The following PEF1 variants were observed in gnomAD, a reference collection of about 807,000 sequenced individuals.
PEF1 encodes the protein penta-EF-hand domain containing 1.
A neutral mutation model predicts 32.0 loss-of-function variants in PEF1; 17 were observed. The ratio of observed to expected loss-of-function variants is 0.53; its 90% CI spans 0.36 to 0.80. The LOEUF is 0.80. Among genes scored for constraint, PEF1 ranks in the 30% least tolerant of loss-of-function variants. PEF1 has a pLI of 0.00. For missense variants in PEF1, 362 were observed against 369.1 expected, an observed-to-expected ratio of 0.98 and a Z score of 0.16; for synonymous variants, 130 against 139.8, an observed-to-expected ratio of 0.93 and a Z score of 0.50.
intron 1 of PEF1, among the ~76,000 whole-genome samples, chr1:31,641,480 A>C (rs551677283): frequency 6.6e-6 from 1 of 152,276 alleles, no homozygotes; most frequent in Non-Finnish European, 1.5e-5. Context: ...AAGGCATACA[A>C]GGCCCTTTGG....
chr1:31,644,774 C>T, intron 1 of PEF1, 67 bp downstream of exon 1: 1 of 1,611,502 alleles, frequency 6.2e-7, no homozygotes, highest in Admixed American at 1.7e-5. Flanking sequence ...GGAGAAAGAG[C>T]AGGGGGACGT....
chr1:31,643,668 A>G (rs1640466908), intron 1 of PEF1, among the ~76,000 whole-genome samples: 1 of 152,190 alleles, frequency 6.6e-6, no homozygotes, highest in Non-Finnish European at 1.5e-5. Context: ...AGGTCCAAAC[A>G]CTGTGTAACC....
At chr1:31,639,681 GA>G (rs916423169) in intron 1 of PEF1, among the ~76,000 whole-genome samples, 44 of 152,364 alleles carry the variant, frequency 2.9e-4, no homozygotes, top group Non-Finnish European at 5.4e-4. Context: ...TGGGGATGAA[GA>G]GAACGGAATG....
chr1:31,635,425 G>T lies in PEF1; in HGVS notation c.122C>A (p.Pro41His). Residue 41 changes from proline to histidine, a missense_variant, in exon 2 of 5, where the codon CCC becomes CAC. Physicochemically the swap from Pro to His is moderately conservative, Grantham distance 77. Transcript: ENST00000373703. ...NSGGQYGSGL[P>H]PGGGYGGPAP... ...AGGACCCCCATAACCACCACCAGGG[G>T]GTAGCCCACTACCATACTGCCCTCC... is the stretch of plus-strand genomic sequence containing the variant. 2.5e-6 allele frequency: 4 copies of T among 1,612,198 alleles called. No individual in the cohort carries two copies. Among genetic ancestry groups the T allele is most frequent in the Non-Finnish European group, 2.5e-6 (3 of 1,179,140 alleles).
chr1:31,634,322 C>T (rs1255891722), intron 2 of PEF1, among the ~76,000 whole-genome samples: 1 of 152,194 alleles, frequency 6.6e-6, no homozygotes, highest in African/African-American at 2.4e-5. Flanking sequence ...CAAAGCAGAC[C>T]TGGATTCAAA....
intron 2 of PEF1, among the ~76,000 whole-genome samples, 154 bp from the exon 3 acceptor site, chr1:31,633,468 A>G (rs553638100): frequency 2.0e-4 from 31 of 152,220 alleles, no homozygotes; most frequent in Non-Finnish European, 4.1e-4. Context: ...ATGGAAGAGG[A>G]CCTTCAGTGA....
chr1:31,635,047 T>G, intron 2 of PEF1, 175 bp downstream of exon 2: 3 of 862,160 alleles, frequency 3.5e-6, no homozygotes, highest in Non-Finnish European at 5.7e-6. Context: ...AAATAAATGC[T>G]TGCAACAAAA....
chr1:31,641,796 C>T (rs2148625860), intron 1 of PEF1, among the ~76,000 whole-genome samples: 1 of 152,368 alleles, frequency 6.6e-6, no homozygotes, highest in Non-Finnish European at 1.5e-5. Flanking sequence ...ATCACATTGC[C>T]TCTTCAATCT....
chr1:31,637,643 CAAAAAAAA>C (rs11291039), intron 1 of PEF1, among the ~76,000 whole-genome samples: 19 of 58,544 alleles, frequency 3.2e-4, no homozygotes, highest in Non-Finnish European at 5.2e-4. Flanking sequence ...ACCCTGTCTC[CAAAAAAAA>C]AAAAAAAAAA....
Position 31,630,696 on chromosome 1 carries a change from G to T in PEF1, c.772C>A (p.Arg258=). Residue 258 remains arginine, a synonymous_variant, in exon 5 of 5, where the codon CGG becomes AGG. Transcript: ENST00000373703. ...CCTTGTACAGCTGTGTCCTTCTCCC[G>T]GAAGGCCTCTGTCAGCACCTGCAGC... The part of the protein sequence containing the change: ...TQLQVLTEAF[R]EKDTAVQGNI... 6.2e-7 allele frequency: 1 copy of T among 1,614,042 alleles called. No individual in the cohort carries two copies. The highest frequency in any genetic ancestry group is 8.5e-7 in the Non-Finnish European group (1 of 1,180,026).
chr1:31,634,937 T>C (rs955759083), intron 2 of PEF1: 2 of 557,220 alleles, frequency 3.6e-6, no homozygotes, highest in Non-Finnish European at 6.7e-6. Context: ...TCCTTCAGCA[T>C]GTATCCCTGA....
At chr1:31,635,926 C>T (rs1640241550) in intron 1 of PEF1, among the ~76,000 whole-genome samples, 1 of 152,164 alleles carries the variant, frequency 6.6e-6, no homozygotes, top group African/African-American at 2.4e-5. Flanking sequence ...CTGTGGTACT[C>T]CCATCTCTAT....
At chr1:31,643,555 G>A (rs1288342585) in intron 1 of PEF1, among the ~76,000 whole-genome samples, 1 of 152,208 alleles carries the variant, frequency 6.6e-6, no homozygotes, top group Non-Finnish European at 1.5e-5. Context: ...TACTACGTGT[G>A]ACTTTTGGGA....
intron 1 of PEF1, among the ~76,000 whole-genome samples, chr1:31,637,014 C>T (rs1020132240): frequency 1.3e-5 from 2 of 152,204 alleles, no homozygotes; most frequent in Non-Finnish European, 2.9e-5. Flanking sequence ...CATCTAGATA[C>T]GTTCTAGATC....
chr1:31,633,048 C>A, intron 3 of PEF1, 111 bp downstream of exon 3: 1 of 1,310,000 alleles, frequency 7.6e-7, no homozygotes. Flanking sequence ...CACAGTCCTC[C>A]CTGGTCAATG....
chr1:31,632,756 C>T, intron 3 of PEF1, 118 bp from the exon 4 acceptor site: 1 of 1,265,880 alleles, frequency 7.9e-7, no homozygotes. Context: ...CTTCACAGAA[C>T]CAAGCCCTGA....
chr1:31,632,314 T>G (rs752796282), intron 4 of PEF1, 181 bp downstream of exon 4: 27 of 1,078,898 alleles, frequency 2.5e-5, no homozygotes, highest in Non-Finnish European at 3.8e-5. Context: ...GCCCTGGCTC[T>G]TGGCTCAGTG....
rs201297417 is a variant in PEF1, at chr1:31,630,836, G to A, written c.632C>T (p.Ser211Phe). 85 of 1,606,724 alleles carry A rather than the reference G, an allele frequency of 5.3e-5. No individual in the cohort carries two copies. Among genetic ancestry groups the A allele is most frequent in the Non-Finnish European group, 6.4e-5 (76 of 1,178,974 alleles). Residue 211 changes from serine to phenylalanine, a missense_variant, in exon 5 of 5, where the codon TCC becomes TTC. Physicochemically the swap from Ser to Phe is radical, Grantham distance 155 (BLOSUM62 -2). Transcript: ENST00000373703. ...ISYTELQQAL[S>F]QMGYNLSPQF... is the part of the protein sequence containing the mutation. ...GGGGCTCAGGTTGTAGCCCATTTGGGACAGAGCTGGAGAAGAGGGGCACAC... is the reference window on the plus strand; with the variant it reads ...GGGGCTCAGGTTGTAGCCCATTTGGAACAGAGCTGGAGAAGAGGGGCACAC...
chr1:31,630,618 G>A lies in PEF1; in HGVS notation c.850C>T (p.Leu284=), dbSNP rs1312060461. ...ACTCTCCACAGATGGTTGGGTCATAGCATCCGAGAAGCTGTCATGGTGACG... is the reference window on the plus strand; with the variant it reads ...ACTCTCCACAGATGGTTGGGTCATAACATCCGAGAAGCTGTCATGGTGACG... ...DFVTMTASRM[L] Residue 284 remains leucine (L), a synonymous_variant, in exon 5 of 5, where the codon CTA becomes TTA. Coordinates refer to ENST00000373703, the MANE Select transcript of PEF1 (RefSeq NM_012392.4). The A allele has an allele frequency of 1.2e-6, 2 of 1,612,218 alleles. No homozygotes were observed. Among genetic ancestry groups the A allele is most frequent in the Admixed American group, 1.7e-5 (1 of 60,022 alleles).
Sources: allele counts gnomAD v4.1 joint callset (sites outside exome capture counted in the v4.1 genomes callset), GRCh38; gene constraint gnomAD v4.1.1; transcripts MANE v1.5; gene names NCBI Gene and HGNC (gene_info 2026-07-23, HGNC 2026-07-21).